SOX5: variants seen among roughly 807,000 people sequenced by gnomAD.
The protein encoded by SOX5 is transcription factor SOX-5.
Under a neutral mutation model 92.0 loss-of-function variants are expected in SOX5, and 9 were observed. The observed-to-expected ratio is 0.10, with a 90% CI of 0.06 to 0.17. The LOEUF is 0.17. SOX5 is among the 10% of genes least tolerant of loss of function. The probability of loss-of-function intolerance (pLI) is 1.00; values close to 1 mark genes in which losing one functional copy is unlikely to be tolerated. For missense variants in SOX5, 642 were observed against 944.5 expected, an observed-to-expected ratio of 0.68 and a Z score of 4.20; for synonymous variants, 344 against 336.3, an observed-to-expected ratio of 1.02 and a Z score of -0.25.
chr12:24,339,934 T>C (rs1952382421), intron 2 of SOX5, among the ~76,000 whole-genome samples: 1 of 152,206 alleles, frequency 6.6e-6, no homozygotes, highest in African/African-American at 2.4e-5. Flanking sequence ...CCCCTGGCTG[T>C]AGCCAATACC....
chr12:23,597,586 A>G (rs545116498), intron 9 of SOX5, among the ~76,000 whole-genome samples: 3 of 152,342 alleles, frequency 2.0e-5, no homozygotes, highest in Admixed American at 2.0e-4. Flanking sequence ...ATTTAAAATG[A>G]CAGGGCAACT....
At chr12:24,337,184 G>GT (rs1026721522) in intron 2 of SOX5, among the ~76,000 whole-genome samples, 17 of 151,882 alleles carry the variant, frequency 1.1e-4, no homozygotes, top group East Asian at 7.7e-4. Context: ...AAATTAGCAG[G>GT]TTTTTTTTGT....
intron 2 of SOX5, among the ~76,000 whole-genome samples, chr12:24,342,910 C>G (rs1952745944): frequency 6.6e-6 from 1 of 152,242 alleles, no homozygotes; most frequent in African/African-American, 2.4e-5. Context: ...TATCACTTCT[C>G]AATAGCTATA....
chr12:23,705,436 T>G (rs1434897099), intron 6 of SOX5, among the ~76,000 whole-genome samples: 2 of 151,952 alleles, frequency 1.3e-5, no homozygotes, highest in Non-Finnish European at 2.9e-5. Flanking sequence ...AGAGGCTTTG[T>G]GCACACTAAT....
chr12:24,212,761 T>C (rs1372134460), intron 4 of SOX5, among the ~76,000 whole-genome samples: 1 of 152,224 alleles, frequency 6.6e-6, no homozygotes, highest in Non-Finnish European at 1.5e-5. Context: ...TCTTTGACTA[T>C]TGAGATCTTT....
At chr12:23,770,381 T>G (rs1298293778) in intron 3 of SOX5, among the ~76,000 whole-genome samples, 1 of 152,156 alleles carries the variant, frequency 6.6e-6, no homozygotes, top group African/African-American at 2.4e-5. Flanking sequence ...CTGTAGCCAT[T>G]TATTTTATAT....
At chr12:24,426,791 C>T (rs577066433) in intron 1 of SOX5, among the ~76,000 whole-genome samples, 4 of 152,266 alleles carry the variant, frequency 2.6e-5, no homozygotes, top group East Asian at 1.9e-4. Flanking sequence ...TACTAAGTCT[C>T]GGGGAATCTT....
intron 8 of SOX5, among the ~76,000 whole-genome samples, chr12:23,619,130 C>T (rs186342580): frequency 1.6e-3 from 249 of 152,182 alleles, no homozygotes; most frequent in African/African-American, 5.6e-3. Flanking sequence ...CTACGGATTC[C>T]GCTCTTACTT....
At chr12:24,348,049 C>CAAAAAAAAAAAA (rs1182462748) in intron 2 of SOX5, among the ~76,000 whole-genome samples, 25 of 72,724 alleles carry the variant, frequency 3.4e-4, no homozygotes, top group African/African-American at 1.1e-3. Context: ...TACAGCTAAT[C>CAAAAAAAAAAAA]AAAAAAAAAA....
chr12:24,215,092 T>C (rs1048842962), intron 3 of SOX5, among the ~76,000 whole-genome samples: 1 of 151,990 alleles, frequency 6.6e-6, no homozygotes, highest in Non-Finnish European at 1.5e-5. Context: ...AAACTAGCAA[T>C]AGAAGGAAAC....
chr12:24,179,052 A>G (rs1409760135), intron 4 of SOX5, among the ~76,000 whole-genome samples: 1 of 152,230 alleles, frequency 6.6e-6, no homozygotes, highest in Non-Finnish European at 1.5e-5. Context: ...TTGGTCACAT[A>G]AAAATGATAT....
intron 4 of SOX5, among the ~76,000 whole-genome samples, chr12:23,741,785 A>G (rs2093806498): frequency 6.6e-6 from 1 of 152,236 alleles, no homozygotes. Flanking sequence ...TTAGCATCAC[A>G]TTATGGTCAC....
chr12:24,488,196 A>T (rs1357473691), intron 1 of SOX5, among the ~76,000 whole-genome samples: 3 of 151,730 alleles, frequency 2.0e-5, no homozygotes, highest in Admixed American at 1.3e-4. Flanking sequence ...AAAAAAAATT[A>T]TTCAACTCTT....
At chr12:23,627,346 T>C (rs1285970641) in intron 8 of SOX5, among the ~76,000 whole-genome samples, 1 of 152,180 alleles carries the variant, frequency 6.6e-6, no homozygotes, top group Non-Finnish European at 1.5e-5. Flanking sequence ...ACGTTCTGCT[T>C]GCATTAAATA....
chr12:23,574,724 G>C (rs1038247103), intron 10 of SOX5, among the ~76,000 whole-genome samples: 5 of 152,036 alleles, frequency 3.3e-5, no homozygotes, highest in Non-Finnish European at 7.4e-5. Flanking sequence ...AGACAAATCA[G>C]TGCATTTCTC....
intron 3 of SOX5, among the ~76,000 whole-genome samples, chr12:24,231,752 A>G (rs1490256390): frequency 6.6e-6 from 1 of 152,140 alleles, no homozygotes; most frequent in Non-Finnish European, 1.5e-5. Flanking sequence ...CTAAAAACTA[A>G]CTGTGTGTCT....
At chr12:24,095,595 G>C in intron 4 of SOX5, among the ~76,000 whole-genome samples, 1 of 152,056 alleles carries the variant, frequency 6.6e-6, no homozygotes, top group East Asian at 1.9e-4. Flanking sequence ...TTTTAAAATT[G>C]TATTACAAGA....
At chr12:24,147,603 T>C (rs1951214964) in intron 4 of SOX5, among the ~76,000 whole-genome samples, 1 of 152,166 alleles carries the variant, frequency 6.6e-6, no homozygotes, top group Non-Finnish European at 1.5e-5. Context: ...AAGGCAACTA[T>C]ACGTGAAAGC....
chr12:23,772,456 G>C (rs553943449), intron 3 of SOX5, among the ~76,000 whole-genome samples: 2 of 152,210 alleles, frequency 1.3e-5, no homozygotes, highest in Admixed American at 1.3e-4. Context: ...TACATCTTCT[G>C]TAAATATTTG....
Sources: allele counts gnomAD v4.1 joint callset (sites outside exome capture counted in the v4.1 genomes callset), GRCh38; gene constraint gnomAD v4.1.1; transcripts MANE v1.5; gene names NCBI Gene and HGNC (gene_info 2026-07-23, HGNC 2026-07-21).